Variants in BICRAL observed in about 807,000 individuals in gnomAD.
BICRAL encodes BICRA like chromatin remodeling complex associated protein, also known as BRD4-interacting chromatin-remodeling complex-associated protein-like.
In BICRAL, 8 loss-of-function variants were observed where a neutral mutation model predicts 91.8. That is an observed-to-expected ratio of 0.09 (90% CI 0.05 to 0.16). The LOEUF is 0.16. Among genes scored for constraint, BICRAL ranks in the 10% least tolerant of loss-of-function variants. The probability of loss-of-function intolerance (pLI) is 1.00; values close to 1 mark genes in which losing one functional copy is unlikely to be tolerated. For missense variants in BICRAL, 1,038 were observed against 1,310.9 expected (o/e 0.79, Z 3.21); for synonymous variants, 445 against 491.1 (o/e 0.91, Z 1.24).
chr6:42,814,745 G>A lies in BICRAL; in HGVS notation c.-6+4344G>A, dbSNP rs1015159766. ...TCACCATGTTGGCCAGGCTGGTCTC[G>A]AACTCCTGACCTCAGGTGATCCGCC... On this transcript the variant is annotated intron_variant, in intron 2 of 12. Coordinates refer to ENST00000314073, the MANE Select transcript of BICRAL (RefSeq NM_001393499.1). 1.9e-4 allele frequency among the ~76,000 whole-genome samples: 27 copies of A among 143,214 alleles called. 1 individual carries two copies. In the South Asian group the frequency reaches 3.4e-3, roughly 18 times the overall value. The allele number at this position is 143,214 out of a possible 152,430, so 94.0% of individuals were successfully genotyped here.
chr6:42,770,280 G>T (rs2113842656), intron 1 of BICRAL, among the ~76,000 whole-genome samples: 1 of 152,180 alleles, frequency 6.6e-6, no homozygotes, highest in South Asian at 2.1e-4. Context: ...CCAGGCTGGA[G>T]TGCAGAGGCG....
intron 1 of BICRAL, among the ~76,000 whole-genome samples, chr6:42,792,310 C>A (rs1262170997): frequency 6.6e-6 from 1 of 151,940 alleles, no homozygotes; most frequent in Admixed American, 6.6e-5. Context: ...TCTTGGTCAC[C>A]CAGGGTTGAA....
In BICRAL at chr6:42,839,131, C is replaced by T. The variant is rs1469743992; in HGVS notation, c.1839+8959C>T. On this transcript the variant is annotated intron_variant, in intron 6 of 12. Coordinates refer to ENST00000314073, the MANE Select transcript of BICRAL (RefSeq NM_001393499.1). ...AGGAGAATCACTTGAACTTGGGAGG[C>T]GGAGGTTACAGTGAGCTGAGATTGT... Among the ~76,000 whole-genome samples, 6 of 152,000 alleles carry T rather than the reference C, an allele frequency of 3.9e-5. No individual in the cohort carries two copies. In the East Asian group the frequency reaches 1.2e-3, roughly 29 times the overall value.
intron 6 of BICRAL, among the ~76,000 whole-genome samples, chr6:42,843,975 T>C (rs1189824699): frequency 6.7e-6 from 1 of 150,254 alleles, no homozygotes; most frequent in Non-Finnish European, 1.5e-5. Flanking sequence ...TTTTTTTTTT[T>C]TTTTTTTTAG....
chr6:42,785,777 C>A (rs1433756507), intron 1 of BICRAL, among the ~76,000 whole-genome samples: 1 of 152,000 alleles, frequency 6.6e-6, no homozygotes, highest in African/African-American at 2.4e-5. Flanking sequence ...AGGTCAGGGC[C>A]AGGCACAGTG....
At chr6:42,809,997 G>A (rs565747023) in intron 1 of BICRAL, among the ~76,000 whole-genome samples, 2 of 152,154 alleles carry the variant, frequency 1.3e-5, no homozygotes, top group African/African-American at 4.8e-5. Flanking sequence ...ATGTTGGCCA[G>A]ACTTGTCTCG....
chr6:42,814,448 TGTATATATAC>T (rs1192471378), intron 2 of BICRAL, among the ~76,000 whole-genome samples: 4 of 144,998 alleles, frequency 2.8e-5, no homozygotes, highest in African/African-American at 1.0e-4. Context: ...TGTATGTATA[TGTATATATAC>T]GTATACATAC....
intron 6 of BICRAL, among the ~76,000 whole-genome samples, chr6:42,832,857 C>T (rs1452908073): frequency 6.6e-6 from 1 of 151,992 alleles, no homozygotes; most frequent in Non-Finnish European, 1.5e-5. Context: ...TCCTACATAA[C>T]CACAGTACAG....
At chr6:42,792,945 G>A (rs1426206218) in intron 1 of BICRAL, among the ~76,000 whole-genome samples, 1 of 149,780 alleles carries the variant, frequency 6.7e-6, no homozygotes, top group Non-Finnish European at 1.5e-5. Flanking sequence ...AAAGAAATTG[G>A]CTGGCTGGTT....
intron 6 of BICRAL, among the ~76,000 whole-genome samples, chr6:42,851,518 C>T (rs1415431722): frequency 1.3e-5 from 2 of 152,140 alleles, no homozygotes; most frequent in Non-Finnish European, 2.9e-5. Flanking sequence ...TTATATTTTG[C>T]TCAGGCTAAT....
chr6:42,828,139 C>T (rs911285388), intron 5 of BICRAL, among the ~76,000 whole-genome samples: 14 of 152,066 alleles, frequency 9.2e-5, no homozygotes, highest in Middle Eastern at 3.4e-3. Context: ...ATTGGCCAGG[C>T]GCGGTGGCTC....
intron 2 of BICRAL, among the ~76,000 whole-genome samples, chr6:42,819,877 T>G (rs1210977821): frequency 6.6e-6 from 1 of 152,190 alleles, no homozygotes; most frequent in African/African-American, 2.4e-5. Context: ...AAGGCCTGTC[T>G]GGCAGTTCCT....
At chr6:42,752,178 G>C (rs1762390938) in intron 1 of BICRAL, among the ~76,000 whole-genome samples, 1 of 152,216 alleles carries the variant, frequency 6.6e-6, no homozygotes, top group Admixed American at 6.6e-5. Flanking sequence ...AGCAGGACAG[G>C]AGCAGCCTTT....
At chr6:42,854,832 G>C (rs558828521) in intron 8 of BICRAL, among the ~76,000 whole-genome samples, 2 of 151,934 alleles carry the variant, frequency 1.3e-5, no homozygotes, top group African/African-American at 4.8e-5. Flanking sequence ...AGTTTTTTTT[G>C]TTTGTTTGTT....
rs1764372985 is a variant in BICRAL, at chr6:42,828,564, A to G, written c.231A>G (p.Pro77=). The change falls in exon 6 of 13, where the codon CCA becomes CCG. Residue 77 remains proline (P), a synonymous_variant. Coordinates refer to ENST00000314073, the MANE Select transcript of BICRAL (RefSeq NM_001393499.1). ...GAGAAGGGCCCAGTGATGGACTGCC[A>G]CTTTCAAGTAGCCTCCAGTTTCTTG... ...QLGEGPSDGL[P]LSSSLQFLED... The G allele has an allele frequency of 1.2e-6, 2 of 1,613,978 alleles. No individual in the cohort carries two copies. The highest frequency in any genetic ancestry group is 8.5e-7 in the Non-Finnish European group (1 of 1,179,970).
At chr6:42,844,911 A>G (rs1467641218) in intron 6 of BICRAL, among the ~76,000 whole-genome samples, 1 of 152,164 alleles carries the variant, frequency 6.6e-6, no homozygotes, top group Non-Finnish European at 1.5e-5. Context: ...CACCTATTGT[A>G]GCAAGAGAAG....
intron 1 of BICRAL, among the ~76,000 whole-genome samples, chr6:42,747,555 CACAT>C (rs1762299481): frequency 6.6e-6 from 1 of 152,186 alleles, no homozygotes; most frequent in Admixed American, 6.5e-5. Context: ...AAACAAAACA[CACAT>C]AAATTGCTGG....
At chr6:42,755,575 T>C (rs1418556732) in intron 1 of BICRAL, among the ~76,000 whole-genome samples, 1 of 152,104 alleles carries the variant, frequency 6.6e-6, no homozygotes, top group African/African-American at 2.4e-5. Context: ...CCCACCTCTT[T>C]GTCTCTCTCC....
chr6:42,823,980 G>A (rs1168199767), intron 5 of BICRAL, among the ~76,000 whole-genome samples: 4 of 152,036 alleles, frequency 2.6e-5, no homozygotes, highest in Non-Finnish European at 4.4e-5. Flanking sequence ...GCTCACACCT[G>A]TAATCCCAGC....
Sources: allele counts gnomAD v4.1 joint callset (sites outside exome capture counted in the v4.1 genomes callset), GRCh38; gene constraint gnomAD v4.1.1; transcripts MANE v1.5; gene names NCBI Gene and HGNC (gene_info 2026-07-23, HGNC 2026-07-21).